Variants in SLC25A27 observed in about 807,000 individuals in gnomAD.
SLC25A27 encodes the protein mitochondrial uncoupling protein 4.
Under a neutral mutation model 49.1 loss-of-function variants are expected in SLC25A27, and 35 were observed. The observed-to-expected ratio is 0.71, with a 90% confidence interval of 0.54 to 0.95. The LOEUF (loss-of-function observed/expected upper bound fraction) is 0.95, where lower values mean the gene tolerates loss of function less well. Ranked by LOEUF, SLC25A27 falls within the 40% of genes least tolerant of loss-of-function variation. SLC25A27 has a pLI of 0.00. For synonymous variants in SLC25A27, 144 were observed against 136.9 expected, an observed-to-expected ratio of 1.05 and a Z score of -0.36; for missense variants, 339 against 397.1, an observed-to-expected ratio of 0.85 and a Z score of 1.24.
chr6:46,671,331 C>A, intron 8 of SLC25A27, 103 bp downstream of exon 8: 2 of 576,072 alleles, frequency 3.5e-6, no homozygotes, highest in Non-Finnish European at 5.9e-6. Flanking sequence ...CATGGCCCTG[C>A]CCCCCAAATC....
intron 2 of SLC25A27, chr6:46,658,647 G>T: frequency 2.5e-6 from 1 of 397,926 alleles, no homozygotes; most frequent in Non-Finnish European, 4.7e-6. Context: ...ATGATAAAAA[G>T]GTCAGAGAGC....
intron 8 of SLC25A27, among the ~76,000 whole-genome samples, chr6:46,672,437 G>A (rs1271816049): frequency 2.0e-5 from 3 of 152,086 alleles, no homozygotes; most frequent in South Asian, 2.1e-4. Flanking sequence ...GTGTGGATTG[G>A]GAAAAGGCCA....
intron 8 of SLC25A27, among the ~76,000 whole-genome samples, chr6:46,671,747 TTAGA>T (rs1356843624): frequency 3.9e-5 from 6 of 152,024 alleles, no homozygotes; most frequent in Non-Finnish European, 7.4e-5. Context: ...AGATATAGAA[TTAGA>T]TAGACTTGTT....
At chr6:46,656,280 A>G (rs1762976160) in intron 2 of SLC25A27, among the ~76,000 whole-genome samples, 1 of 151,644 alleles carries the variant, frequency 6.6e-6, no homozygotes, top group African/African-American at 2.4e-5. Flanking sequence ...TCCCAGGTTC[A>G]AGCGATTCTC....
intron 8 of SLC25A27, among the ~76,000 whole-genome samples, chr6:46,673,683 G>A (rs769434936): frequency 1.3e-5 from 2 of 152,206 alleles, no homozygotes; most frequent in East Asian, 3.8e-4. Flanking sequence ...CCTCATAGGG[G>A]AGGTGGTAGG....
chr6:46,664,269 T>C (rs6928546), intron 4 of SLC25A27, among the ~76,000 whole-genome samples: 128,742 of 152,220 alleles, frequency 0.85, 54,744 homozygotes, highest in African/African-American at 0.93. Flanking sequence ...ACTAAATTTT[T>C]TTGAAGCTAA....
chr6:46,658,490 T>C, intron 2 of SLC25A27: 1 of 447,578 alleles, frequency 2.2e-6, no homozygotes. Context: ...AATGAAATTA[T>C]GTATCTTTAT....
intron 5 of SLC25A27, among the ~76,000 whole-genome samples, chr6:46,666,974 T>C (rs1763346232): frequency 6.6e-6 from 1 of 152,182 alleles, no homozygotes; most frequent in Non-Finnish European, 1.5e-5. Flanking sequence ...GGAGCCATTC[T>C]GTAGTCCAAG....
intron 8 of SLC25A27, among the ~76,000 whole-genome samples, chr6:46,674,855 G>A (rs769912615): frequency 1.1e-4 from 17 of 152,114 alleles, no homozygotes; most frequent in Non-Finnish European, 2.4e-4. Context: ...ATCAACCCAA[G>A]AGAGCTCTTA....
chr6:46,667,567 C>G (rs1385615993), intron 5 of SLC25A27, among the ~76,000 whole-genome samples: 1 of 152,206 alleles, frequency 6.6e-6, no homozygotes, highest in Non-Finnish European at 1.5e-5. Flanking sequence ...TCTAACACAG[C>G]AAGCTGACTC....
At chr6:46,655,531 G>GTTTTTTTTTTTTTTTTTTTTT (rs1283936753) in intron 1 of SLC25A27, among the ~76,000 whole-genome samples, 1 of 98,548 alleles carries the variant, frequency 1.0e-5, no homozygotes, top group Non-Finnish European at 2.2e-5. Flanking sequence ...TATTGTTAAT[G>GTTTTTTTTTTTTTTTTTTTTT]TTTGTTTTTT....
At chr6:46,655,751 C>G (rs946691519) in intron 1 of SLC25A27, 92 bp from the exon 2 acceptor site, 2 of 1,054,182 alleles carry the variant, frequency 1.9e-6, no homozygotes, top group Non-Finnish European at 2.8e-6. Flanking sequence ...TGAGAACAAC[C>G]AGTCTTGGGA....
At chr6:46,671,269 T>C in intron 8 of SLC25A27, 41 bp downstream of exon 8, 2 of 1,146,868 alleles carry the variant, frequency 1.7e-6, no homozygotes, top group Non-Finnish European at 2.5e-6. Flanking sequence ...TTCTTTGTAC[T>C]TAAATTACTT....
chr6:46,675,111 C>A (rs1328899921), intron 8 of SLC25A27, among the ~76,000 whole-genome samples: 1 of 152,162 alleles, frequency 6.6e-6, no homozygotes, highest in African/African-American at 2.4e-5. Flanking sequence ...TATGATCTCC[C>A]ACTCTTTAAA....
At chr6:46,667,262 T>C (rs1763355792) in intron 5 of SLC25A27, among the ~76,000 whole-genome samples, 3 of 152,226 alleles carry the variant, frequency 2.0e-5, no homozygotes, top group Non-Finnish European at 4.4e-5. Flanking sequence ...TCCTGTTGAT[T>C]CTTCAAAATT....
chr6:46,657,607 A>G (rs1290117293), intron 2 of SLC25A27, among the ~76,000 whole-genome samples: 1 of 152,266 alleles, frequency 6.6e-6, no homozygotes, highest in African/African-American at 2.4e-5. Context: ...AATTTTCTTA[A>G]TAAAAATTTG....
At chr6:46,660,890 T>C (rs1763139592) in intron 3 of SLC25A27, among the ~76,000 whole-genome samples, 1 of 152,172 alleles carries the variant, frequency 6.6e-6, no homozygotes, top group African/African-American at 2.4e-5. Context: ...AAGGGAAAGG[T>C]TTAAGTAAAA....
At chr6:46,653,386 T>TTC (rs1381281426) in intron 1 of SLC25A27, 88 bp downstream of exon 1, 1 of 1,475,436 alleles carries the variant, frequency 6.8e-7, no homozygotes, top group East Asian at 2.5e-5. Flanking sequence ...CGCCCGGCAG[T>TTC]GCGCATCGGA....
intron 6 of SLC25A27, among the ~76,000 whole-genome samples, chr6:46,669,349 A>G (rs1763436081): frequency 6.6e-6 from 1 of 152,198 alleles, no homozygotes; most frequent in Non-Finnish European, 1.5e-5. Flanking sequence ...AAGGGATACG[A>G]AGGGCTTTCC....
Sources: gnomAD v4.1 joint callset for allele counts (sites outside exome capture counted in the v4.1 genomes callset) on GRCh38, gnomAD v4.1.1 for gene constraint, MANE v1.5 for transcripts, NCBI Gene and HGNC (gene_info 2026-07-23, HGNC 2026-07-21) for gene names.